Variants in KAZN observed in about 807,000 individuals in gnomAD.
KAZN encodes kazrin, periplakin interacting protein.
A neutral mutation model predicts 87.4 loss-of-function variants in KAZN; 40 were observed. The observed-to-expected ratio is 0.46, with a 90% CI of 0.36 to 0.60. KAZN has a LOEUF of 0.60. Ranked by LOEUF, KAZN falls within the 20% of genes least tolerant of loss-of-function variation. KAZN has a pLI of 0.00. For synonymous variants in KAZN, 466 were observed against 458.3 expected, an observed-to-expected ratio of 1.02 and a Z score of -0.22; for missense variants, 898 against 1,073.9, an observed-to-expected ratio of 0.84 and a Z score of 2.29.
chr1:14,094,721 G>A (rs183246604), intron 1 of KAZN, among the ~76,000 whole-genome samples: 110 of 152,214 alleles, frequency 7.2e-4, no homozygotes, highest in African/African-American at 2.6e-3. Context: ...TCCTAGTAGT[G>A]GAAGTGAATA....
intron 1 of KAZN, among the ~76,000 whole-genome samples, chr1:14,696,798 C>A (rs1007378485): frequency 1.3e-5 from 2 of 152,172 alleles, no homozygotes; most frequent in African/African-American, 4.8e-5. Flanking sequence ...AGGGACCACA[C>A]CTTGAGAACC....
intron 1 of KAZN, among the ~76,000 whole-genome samples, chr1:14,945,098 C>T (rs1661603661): frequency 6.6e-6 from 1 of 152,218 alleles, no homozygotes; most frequent in African/African-American, 2.4e-5. Flanking sequence ...TCCCTTTTGC[C>T]TTAGTTTCCC....
chr1:14,466,997 G>A (rs931204542), intron 2 of KAZN, among the ~76,000 whole-genome samples: 1 of 151,992 alleles, frequency 6.6e-6, no homozygotes, highest in African/African-American at 2.4e-5. Flanking sequence ...TAAATAAACC[G>A]AAGAAACTAT....
intron 1 of KAZN, among the ~76,000 whole-genome samples, chr1:13,897,808 A>G (rs1639100716): frequency 6.6e-6 from 1 of 152,264 alleles, no homozygotes; most frequent in Non-Finnish European, 1.5e-5. Flanking sequence ...AGAGAGCAGC[A>G]TTTTGGATCT....
At chr1:15,019,192 G>A (rs1670420468) in intron 2 of KAZN, among the ~76,000 whole-genome samples, 1 of 152,136 alleles carries the variant, frequency 6.6e-6, no homozygotes, top group Non-Finnish European at 1.5e-5. Context: ...GGACCACCAG[G>A]CTCCACTGCT....
intron 2 of KAZN, among the ~76,000 whole-genome samples, chr1:14,481,762 G>A (rs1669098262): frequency 6.6e-6 from 1 of 152,192 alleles, no homozygotes; most frequent in Non-Finnish European, 1.5e-5. Flanking sequence ...ATTGTGGAGA[G>A]GTGGAAGTGG....
intron 2 of KAZN, among the ~76,000 whole-genome samples, chr1:14,305,525 G>T (rs28366837): frequency 6.6e-6 from 1 of 152,212 alleles, no homozygotes; most frequent in East Asian, 1.9e-4. Context: ...AATACAGGAT[G>T]CATCAGCTGT....
rs1641872007 is a variant in KAZN, at chr1:15,117,202, G to A, written c.*2567G>A. ...AGCTGATTGTCACAGGCTACAGAGG[G>A]GCCAGCTCCAGAACAGTGACCAGCT... is the stretch of plus-strand genomic sequence containing the variant. On this transcript the variant is annotated 3_prime_UTR_variant, in exon 15 of 15. Transcript: ENST00000376030. 1 of 152,192 alleles carries A rather than the reference G, an allele frequency of 6.6e-6. No homozygotes were observed. The highest frequency in any genetic ancestry group is 2.4e-5 in the African/African-American group (1 of 41,428). The allele number at this position is 152,192 out of a possible 1,614,324, so 9.4% of individuals were successfully genotyped here.
At chr1:14,951,794 C>T (rs1662515114) in intron 1 of KAZN, among the ~76,000 whole-genome samples, 1 of 152,140 alleles carries the variant, frequency 6.6e-6, no homozygotes, top group African/African-American at 2.4e-5. Flanking sequence ...TGTCTTAAAG[C>T]TTTAACCCTC....
chr1:14,399,347 G>A (rs12048072), intron 2 of KAZN, among the ~76,000 whole-genome samples: 22,994 of 152,044 alleles, frequency 0.15, 1,879 homozygotes, highest in East Asian at 0.23. Context: ...CTAATTTGTT[G>A]ATAAATTACT....
At chr1:13,937,342 C>T (rs1640780307) in intron 1 of KAZN, among the ~76,000 whole-genome samples, 1 of 152,204 alleles carries the variant, frequency 6.6e-6, no homozygotes, top group African/African-American at 2.4e-5. Context: ...CCATGCCCAG[C>T]CATCCTTTGC....
intron 2 of KAZN, among the ~76,000 whole-genome samples, chr1:14,549,819 T>G (rs2148509601): frequency 6.6e-6 from 1 of 152,258 alleles, no homozygotes; most frequent in East Asian, 1.9e-4. Flanking sequence ...GCCTCTTGGA[T>G]GCTATGATTG....
chr1:14,626,348 C>T (rs2148651153), intron 1 of KAZN, among the ~76,000 whole-genome samples: 1 of 152,344 alleles, frequency 6.6e-6, no homozygotes, highest in Middle Eastern at 3.4e-3. Context: ...TAGTCTTCCT[C>T]CTAACAGCGT....
rs149948882 is a variant in KAZN at position 14,351,560 on chromosome 1, AAAAC to A, written c.249+170988_249+170991del. 5.3e-3 allele frequency among the ~76,000 whole-genome samples: 809 copies of A among 152,296 alleles called. 7 individuals are homozygous for A. The highest frequency in any genetic ancestry group is 0.018 in the African/African-American group (753 of 41,554). On this transcript the variant is annotated intron_variant, in intron 2 of 16. Transcript: ENST00000636203. ...GCGACAGAGCTAGACTCCAGTCTCA[AAAAC>A]AAACAAACAAACAAACAAAACATCA...
At chr1:15,017,840 C>T (rs369952100) in intron 2 of KAZN, among the ~76,000 whole-genome samples, 2 of 152,150 alleles carry the variant, frequency 1.3e-5, no homozygotes, top group African/African-American at 2.4e-5. Flanking sequence ...GGGGATACCC[C>T]GATGTCACCC....
chr1:14,720,024 C>T (rs79132519), intron 1 of KAZN, among the ~76,000 whole-genome samples: 3,399 of 152,230 alleles, frequency 0.022, 119 homozygotes, highest in African/African-American at 0.065. Context: ...TAACAAGCCA[C>T]CTTCTCCACC....
At chr1:14,370,993 G>A (rs12407887) in intron 2 of KAZN, among the ~76,000 whole-genome samples, 16,531 of 152,136 alleles carry the variant, frequency 0.11, 987 homozygotes, top group African/African-American at 0.16. Context: ...CCCCCAGCTC[G>A]TATCTTCTAT....
chr1:14,279,429 C>T (rs1437164433), intron 2 of KAZN, among the ~76,000 whole-genome samples: 1 of 152,144 alleles, frequency 6.6e-6, no homozygotes, highest in Non-Finnish European at 1.5e-5. Flanking sequence ...CAGAGTCACA[C>T]GAAGGCATTT....
At chr1:14,721,285 T>G (rs1449093962) in intron 1 of KAZN, among the ~76,000 whole-genome samples, 3 of 152,172 alleles carry the variant, frequency 2.0e-5, no homozygotes, top group Non-Finnish European at 4.4e-5. Flanking sequence ...CGAGATCTGG[T>G]GGTTTTATCA....
Sources: allele counts gnomAD v4.1 joint callset (sites outside exome capture counted in the v4.1 genomes callset), GRCh38; gene constraint gnomAD v4.1.1; transcripts MANE v1.5; gene names NCBI Gene and HGNC (gene_info 2026-07-23, HGNC 2026-07-21).